The following IMPA1 variants were observed in gnomAD, a reference collection of about 807,000 sequenced individuals.
IMPA1 encodes inositol monophosphatase 1.
IMPA1 carries 21 observed loss-of-function variants against 34.9 expected under a neutral mutation model. The ratio of observed to expected loss-of-function variants is 0.60; its 90% CI spans 0.43 to 0.87. The LOEUF is 0.87. Ranked by LOEUF, IMPA1 falls within the 40% of genes least tolerant of loss-of-function variation. The pLI is 0.00. For missense variants in IMPA1, 299 were observed against 336.4 expected, an observed-to-expected ratio of 0.89 and a Z score of 0.87; for synonymous variants, 95 against 104.4, an observed-to-expected ratio of 0.91 and a Z score of 0.55.
intron 6 of IMPA1, among the ~76,000 whole-genome samples, chr8:81,672,411 T>G (rs1274590186): frequency 1.3e-5 from 2 of 152,208 alleles, no homozygotes; most frequent in Non-Finnish European, 2.9e-5. Flanking sequence ...AATTGCCACT[T>G]GAAGCCGCTT....
chr8:81,660,592 C>T lies in IMPA1; in HGVS notation c.642G>A (p.Met214Ile). Residue 214 changes from methionine to isoleucine, a missense_variant, in exon 8 of 9, where the codon ATG becomes ATA. Transcript: ENST00000256108. Reference protein sequence around the residue: ...ATGGADAYYEMGIHCWDVAGA... With the variant: ...ATGGADAYYEIGIHCWDVAGA... ...CTGCAACATCCCAGCAGTGAATTCCCATTTCATAATATGCATCTGCTCCGC... is the reference window on the plus strand; with the variant it reads ...CTGCAACATCCCAGCAGTGAATTCCTATTTCATAATATGCATCTGCTCCGC... The T allele has an allele frequency of 6.2e-7, 1 of 1,613,810 alleles. No homozygotes were observed. Among genetic ancestry groups the T allele is most frequent in the South Asian group, 1.1e-5 (1 of 91,060 alleles).
rs796445250 is a variant in IMPA1, at chr8:81,660,472, T to C, written c.718+44A>G. The C allele has an allele frequency of 1.9e-6, 3 of 1,580,672 alleles. No individual in the cohort carries two copies. In the African/African-American group the frequency reaches 4.1e-5, roughly 21 times the overall value. ...TTTAAATTCTACATATGGACAAAAGTCCAACAGATGTGTGGAGATCTGCTT... is the reference window on the plus strand; with the variant it reads ...TTTAAATTCTACATATGGACAAAAGCCCAACAGATGTGTGGAGATCTGCTT... On this transcript the variant is annotated intron_variant, in intron 8 of 8. Transcript: ENST00000256108.
intron 3 of IMPA1, among the ~76,000 whole-genome samples, chr8:81,679,851 T>C (rs978946332): frequency 3.3e-5 from 5 of 151,914 alleles, no homozygotes; most frequent in African/African-American, 1.2e-4. Flanking sequence ...ATTTTAAAAA[T>C]AGGGGCCAGG....
chr8:81,669,700 C>T (rs1232433187), intron 7 of IMPA1, among the ~76,000 whole-genome samples: 1 of 152,050 alleles, frequency 6.6e-6, no homozygotes, highest in Non-Finnish European at 1.5e-5. Context: ...CTTTGGGACC[C>T]TGGGGATGGA....
chr8:81,675,016 T>C (rs933395908), intron 5 of IMPA1, among the ~76,000 whole-genome samples: 9 of 152,194 alleles, frequency 5.9e-5, no homozygotes, highest in African/African-American at 2.2e-4. Context: ...GCTAGAATTA[T>C]CTGTCACTTT....
chr8:81,661,767 A>C (rs1806681574), intron 7 of IMPA1, among the ~76,000 whole-genome samples: 1 of 152,232 alleles, frequency 6.6e-6, no homozygotes, highest in East Asian at 1.9e-4. Context: ...TACTGTGGCT[A>C]TGTTAGACAA....
intron 1 of IMPA1, among the ~76,000 whole-genome samples, chr8:81,684,120 C>A (rs1397811123): frequency 8.4e-6 from 1 of 118,444 alleles, no homozygotes; most frequent in Non-Finnish European, 1.9e-5. Context: ...TATATACACA[C>A]ACACACACAT....
intron 1 of IMPA1, among the ~76,000 whole-genome samples, chr8:81,682,583 A>G (rs776820254): frequency 6.8e-4 from 103 of 152,264 alleles, no homozygotes; most frequent in Non-Finnish European, 1.4e-3. Flanking sequence ...AAGCCACTCT[A>G]TGAGTCATAT....
At chr8:81,686,183 G>T in intron 1 of IMPA1, 69 bp downstream of exon 1, 1 of 963,804 alleles carries the variant, frequency 1.0e-6, no homozygotes, top group Non-Finnish European at 1.3e-6. Context: ...GAGGAGGGAA[G>T]GGGCCTCCCT....
At chr8:81,676,779 G>T (rs1807144704) in intron 4 of IMPA1, among the ~76,000 whole-genome samples, 1 of 151,806 alleles carries the variant, frequency 6.6e-6, no homozygotes, top group Non-Finnish European at 1.5e-5. Flanking sequence ...GGGCCCAGGA[G>T]TTCGAGACCA....
At chr8:81,684,566 T>C (rs529263894) in intron 1 of IMPA1, among the ~76,000 whole-genome samples, 2 of 143,180 alleles carry the variant, frequency 1.4e-5, no homozygotes, top group East Asian at 4.3e-4. Flanking sequence ...TACTAATGTG[T>C]AGTATATATA....
At chr8:81,665,994 AC>A (rs1806808443) in intron 7 of IMPA1, among the ~76,000 whole-genome samples, 1 of 152,234 alleles carries the variant, frequency 6.6e-6, no homozygotes. Context: ...TGCCTGCAAC[AC>A]TTCACAAAAG....
intron 2 of IMPA1, 152 bp from the exon 3 acceptor site, chr8:81,680,935 C>A (rs1317810618): frequency 3.3e-6 from 2 of 609,514 alleles, no homozygotes; most frequent in Non-Finnish European, 5.4e-6. Context: ...ATAAAATAAG[C>A]CTTTAATAGT....
chr8:81,684,018 C>T (rs1192192004), intron 1 of IMPA1, among the ~76,000 whole-genome samples: 1 of 151,600 alleles, frequency 6.6e-6, no homozygotes, highest in Non-Finnish European at 1.5e-5. Context: ...TTCTTCATGG[C>T]TAGTTCTAAG....
intron 1 of IMPA1, 27 bp downstream of exon 1, chr8:81,686,225 G>T: frequency 3.9e-6 from 4 of 1,016,530 alleles, no homozygotes; most frequent in Non-Finnish European, 4.8e-6. Context: ...AACCCGGAGG[G>T]TGCGGTGAGG....
Position 81,659,409 on chromosome 8 carries a change from G to A in IMPA1, c.776C>T (p.Ala259Val). Residue 259 changes from alanine to valine, a missense_variant, in exon 9 of 9, where the codon GCA (alanine) becomes GTA (valine). Physicochemically the swap from Ala to Val is moderately conservative, Grantham distance 64. Coordinates refer to ENST00000256108, the MANE Select transcript of IMPA1 (RefSeq NM_005536.4). ...CTGAATTTCTTTAGCTATCCTTTCT[G>A]CTAATATTCTATTATTTGCAGCAAT... ...RVIAANNRIL[A>V]ERIAKEIQVI... The A allele has an allele frequency of 1.2e-6, 2 of 1,612,376 alleles. No homozygotes were observed. Among genetic ancestry groups the A allele is most frequent in the South Asian group, 1.1e-5 (1 of 91,034 alleles).
chr8:81,662,518 A>G (rs1008180323), intron 7 of IMPA1, among the ~76,000 whole-genome samples: 6 of 152,222 alleles, frequency 3.9e-5, no homozygotes, highest in Non-Finnish European at 8.8e-5. Flanking sequence ...AATTAAGACT[A>G]TGGTGTAGAT....
chr8:81,662,830 T>C (rs1352852051), intron 7 of IMPA1, among the ~76,000 whole-genome samples: 5 of 152,234 alleles, frequency 3.3e-5, no homozygotes, highest in South Asian at 2.1e-4. Context: ...AAATATCATA[T>C]ACCATACATA....
Position 81,658,732 on chromosome 8 carries a change from A to G in IMPA1, c.*619T>C, listed in dbSNP as rs1806583825. ...TAATTTTTACTTCAAACCTGAAGCAAAAGTACAGAATGCTGAGTTCATTAC... is the reference window on the plus strand; with the variant it reads ...TAATTTTTACTTCAAACCTGAAGCAGAAGTACAGAATGCTGAGTTCATTAC... On this transcript the variant is annotated 3_prime_UTR_variant, in exon 9 of 9. Transcript: ENST00000256108. The G allele has an allele frequency of 2.6e-5, 4 of 152,666 alleles. No homozygotes were observed. The highest frequency in any genetic ancestry group is 9.6e-5 in the African/African-American group (4 of 41,474). The allele number at this position is 152,666 out of a possible 1,614,324, so 9.5% of individuals were successfully genotyped here.
Sources: allele counts gnomAD v4.1 joint callset (sites outside exome capture counted in the v4.1 genomes callset), GRCh38; gene constraint gnomAD v4.1.1; transcripts MANE v1.5; gene names NCBI Gene and HGNC (gene_info 2026-07-23, HGNC 2026-07-21).